BAIAP2L1: variants seen among roughly 807,000 people sequenced by gnomAD.
BAIAP2L1 encodes BAR/IMD domain containing adaptor protein 2 like 1.
Under a neutral mutation model 66.3 loss-of-function variants are expected in BAIAP2L1, and 35 were observed. That is an observed-to-expected ratio of 0.53 (90% CI 0.40 to 0.70). The LOEUF is 0.70. Ranked by LOEUF, BAIAP2L1 falls within the 30% of genes least tolerant of loss-of-function variation. BAIAP2L1 has a pLI of 0.00. For synonymous variants in BAIAP2L1, 269 were observed against 248.7 expected, an observed-to-expected ratio of 1.08 and a Z score of -0.77; for missense variants, 622 against 656.9, an observed-to-expected ratio of 0.95 and a Z score of 0.58.
At chr7:98,399,981 C>G (rs1317839221) in intron 1 of BAIAP2L1, 1 of 152,008 alleles carries the variant, frequency 6.6e-6, no homozygotes. Context: ...CTCGGCTCAC[C>G]TGGCGATCCT....
intron 7 of BAIAP2L1, among the ~76,000 whole-genome samples, chr7:98,313,824 C>A (rs369568222): frequency 6.8e-6 from 1 of 146,940 alleles, no homozygotes; most frequent in African/African-American, 2.5e-5. Context: ...GAGATAGGGT[C>A]TCGCTATGCT....
At chr7:98,395,671 A>G (rs1465698581) in intron 1 of BAIAP2L1, among the ~76,000 whole-genome samples, 1 of 152,200 alleles carries the variant, frequency 6.6e-6, no homozygotes, top group African/African-American at 2.4e-5. Context: ...ATATATTTGC[A>G]TGTGTCAGCA....
rs768829897 is a variant in BAIAP2L1 at position 98,310,483 on chromosome 7, G to A, written c.917C>T (p.Thr306Met). 21 of 1,605,622 alleles carry A rather than the reference G, an allele frequency of 1.3e-5. No homozygotes were observed. Among genetic ancestry groups the A allele is most frequent in the African/African-American group, 6.7e-5 (5 of 74,486 alleles). Residue 306 changes from threonine to methionine, a missense_variant, in exon 9 of 14, where the codon ACG becomes ATG. Transcript: ENST00000005260. ...PLIDMFNNPA[T>M]AAPNSQRVNN... ...TACCCTTTGTGAATTCGGGGCAGCCGTGGCTGGGTTATTAAACATATCGAT... is the reference window on the plus strand; with the variant it reads ...TACCCTTTGTGAATTCGGGGCAGCCATGGCTGGGTTATTAAACATATCGAT...
At chr7:98,377,909 C>T (rs1482518482) in intron 1 of BAIAP2L1, among the ~76,000 whole-genome samples, 1 of 149,860 alleles carries the variant, frequency 6.7e-6, no homozygotes, top group African/African-American at 2.5e-5. Context: ...GGGCGGATCA[C>T]CTGAGGTCAG....
At chr7:98,372,171 C>T (rs1011789303) in intron 1 of BAIAP2L1, among the ~76,000 whole-genome samples, 5 of 151,874 alleles carry the variant, frequency 3.3e-5, no homozygotes, top group East Asian at 3.9e-4. Flanking sequence ...CTTTGGGAGG[C>T]AAGGCGGTCG....
At chr7:98,335,977 G>C (rs1241866634) in intron 3 of BAIAP2L1, among the ~76,000 whole-genome samples, 1 of 152,204 alleles carries the variant, frequency 6.6e-6, no homozygotes, top group Non-Finnish European at 1.5e-5. Context: ...CTTAAAAAGG[G>C]AAATCATGTC....
intron 1 of BAIAP2L1, among the ~76,000 whole-genome samples, chr7:98,374,110 G>A (rs140349876): frequency 4.6e-5 from 7 of 151,836 alleles, no homozygotes; most frequent in African/African-American, 7.2e-5. Context: ...AACCATATCC[G>A]ACTAATTTTT....
chr7:98,301,225 A>G (rs1348256154), intron 12 of BAIAP2L1, among the ~76,000 whole-genome samples: 1 of 152,124 alleles, frequency 6.6e-6, no homozygotes, highest in Non-Finnish European at 1.5e-5. Context: ...AGTGATAAAC[A>G]TGACCTCCCT....
At chr7:98,321,407 C>G (rs1226333538) in intron 3 of BAIAP2L1, among the ~76,000 whole-genome samples, 1 of 152,134 alleles carries the variant, frequency 6.6e-6, no homozygotes, top group Non-Finnish European at 1.5e-5. Context: ...CCAGGGGAAC[C>G]CGCAGCAGGA....
At chr7:98,340,825 C>T (rs60077733) in intron 3 of BAIAP2L1, among the ~76,000 whole-genome samples, 50,662 of 146,724 alleles carry the variant, frequency 0.35, 11,088 homozygotes, top group Middle Eastern at 0.53. Flanking sequence ...GACAGAGTTT[C>T]ACTCTGTCAC....
intron 9 of BAIAP2L1, chr7:98,309,179 C>G (rs550477136): frequency 6.6e-6 from 1 of 152,356 alleles, no homozygotes; most frequent in East Asian, 1.9e-4. Context: ...GAGACAGAGT[C>G]TCGCTCTGTC....
Position 98,386,260 on chromosome 7 carries a change from A to G in BAIAP2L1, c.51+14542T>C, listed in dbSNP as rs145072295. The G allele has an allele frequency of 9.5e-3, 15,178 of 1,592,060 alleles. 98 individuals are homozygous for G. Among genetic ancestry groups the G allele is most frequent in the Non-Finnish European group, 0.01 (12,131 of 1,170,118 alleles). ...CTGCCATTTTTTGACCATGGAACAC[A>G]TTTTGTCACGGGTAAGATCCATGCC... On this transcript the variant is annotated intron_variant, in intron 1 of 13. Transcript: ENST00000005260.
In BAIAP2L1 at chr7:98,382,968, C is replaced by A. The variant is rs540387934; in HGVS notation, c.51+17834G>T. On this transcript the variant is annotated intron_variant, in intron 1 of 13. Coordinates refer to ENST00000005260, the MANE Select transcript of BAIAP2L1 (RefSeq NM_018842.5). ...CCTGAGGTCAGGAGTTCGAGACCAG[C>A]CTGACCAACATGGCGAAACCCTGTC... 2.1e-3 allele frequency among the ~76,000 whole-genome samples: 320 copies of A among 152,020 alleles called. 1 individual carries two copies. The highest frequency in any genetic ancestry group is 2.0e-3 in the Non-Finnish European group (137 of 67,886).
intron 1 of BAIAP2L1, among the ~76,000 whole-genome samples, chr7:98,390,721 G>A (rs1319374285): frequency 6.9e-6 from 1 of 144,258 alleles, no homozygotes; most frequent in African/African-American, 2.5e-5. Context: ...GACAGAGCAA[G>A]ACTCTGTCTC....
intron 1 of BAIAP2L1, among the ~76,000 whole-genome samples, chr7:98,373,226 T>C (rs1474244946): frequency 2.0e-5 from 3 of 152,214 alleles, no homozygotes. Context: ...AGTCATGCTG[T>C]TCATACCCAT....
rs960983452 is a variant in BAIAP2L1, at chr7:98,401,012, C to T, written c.-160G>A. ...AGAGTGCCCGCGCGCGTCTCCGCTG[C>T]GAAAATGTCAAAACTTGCGGCAGCG... On this transcript the variant is annotated 5_prime_UTR_variant, in exon 1 of 14. Coordinates refer to ENST00000005260, the MANE Select transcript of BAIAP2L1 (RefSeq NM_018842.5). The T allele has an allele frequency of 1.5e-5, 8 of 535,400 alleles. No homozygotes were observed. The highest frequency in any genetic ancestry group is 2.3e-5 in the Non-Finnish European group (8 of 347,454). The allele number at this position is 535,400 out of a possible 1,614,324, so 33.2% of individuals were successfully genotyped here.
intron 12 of BAIAP2L1, among the ~76,000 whole-genome samples, chr7:98,299,438 G>T (rs191022272): frequency 1.3e-5 from 2 of 152,178 alleles, no homozygotes; most frequent in Non-Finnish European, 2.9e-5. Flanking sequence ...GATTACAGGT[G>T]TGAGCCACCG....
intron 3 of BAIAP2L1, among the ~76,000 whole-genome samples, chr7:98,342,715 T>A (rs1801773536): frequency 6.6e-6 from 1 of 152,218 alleles, no homozygotes; most frequent in South Asian, 2.1e-4. Flanking sequence ...AATGAGAACA[T>A]CCTTTATTTT....
chr7:98,348,583 AAAAG>A (rs1211279398), intron 3 of BAIAP2L1, among the ~76,000 whole-genome samples: 15 of 143,826 alleles, frequency 1.0e-4, no homozygotes, highest in African/African-American at 2.8e-4. Flanking sequence ...AAAAAAAAAA[AAAAG>A]AAAGAAAGAA....
Sources: gnomAD v4.1 joint callset for allele counts (sites outside exome capture counted in the v4.1 genomes callset) on GRCh38, gnomAD v4.1.1 for gene constraint, MANE v1.5 for transcripts, NCBI Gene and HGNC (gene_info 2026-07-23, HGNC 2026-07-21) for gene names.